The following ZPBP variants were observed in gnomAD, a reference collection of about 807,000 sequenced individuals.
The protein encoded by ZPBP is zona pellucida binding protein, also known as zona pellucida-binding protein 1.
In ZPBP, 26 loss-of-function variants were observed where a neutral mutation model predicts 44.8. The observed-to-expected ratio is 0.58, with a 90% confidence interval of 0.43 to 0.81. The LOEUF is 0.81. Among genes scored for constraint, ZPBP ranks in the 30% least tolerant of loss-of-function variants. The probability of loss-of-function intolerance (pLI) is 0.00; values close to 1 mark genes in which losing one functional copy is unlikely to be tolerated. For missense variants in ZPBP, 409 were observed against 434.0 expected (o/e 0.94, Z 0.51); for synonymous variants, 174 against 153.2 (o/e 1.14, Z -1.00).
At chr7:50,054,292 A>T (rs1800827614) in intron 4 of ZPBP, among the ~76,000 whole-genome samples, 1 of 152,200 alleles carries the variant, frequency 6.6e-6, no homozygotes, top group Non-Finnish European at 1.5e-5. Context: ...CTGTTAGTAT[A>T]AACATCTTAA....
intron 2 of ZPBP, among the ~76,000 whole-genome samples, chr7:49,892,229 G>A (rs1404639598): frequency 6.6e-6 from 1 of 151,322 alleles, no homozygotes; most frequent in African/African-American, 2.4e-5. Flanking sequence ...TGTATTTTTA[G>A]TAGAGACGGG....
At chr7:49,873,000 T>A (rs1202543101) in intron 2 of ZPBP, among the ~76,000 whole-genome samples, 1 of 139,310 alleles carries the variant, frequency 7.2e-6, no homozygotes, top group East Asian at 2.1e-4. Flanking sequence ...AATAAAAAAA[T>A]CTGAGAAATG....
At chr7:50,087,556 T>A (rs1802725673) in intron 2 of ZPBP, among the ~76,000 whole-genome samples, 1 of 152,028 alleles carries the variant, frequency 6.6e-6, no homozygotes, top group African/African-American at 2.4e-5. Context: ...GATAACATCA[T>A]ACTTAAGGGT....
At chr7:49,909,408 G>T (rs1421568246) in intron 1 of ZPBP, among the ~76,000 whole-genome samples, 1 of 152,172 alleles carries the variant, frequency 6.6e-6, no homozygotes, top group African/African-American at 2.4e-5. Flanking sequence ...CATCCGAATG[G>T]TCACTGTGGC....
intron 4 of ZPBP, among the ~76,000 whole-genome samples, chr7:50,044,210 C>T (rs1245516561): frequency 2.0e-5 from 3 of 152,094 alleles, no homozygotes; most frequent in Admixed American, 6.6e-5. Context: ...CAGGAGAAAG[C>T]AGGAAAGATT....
At chr7:49,946,927 A>G (rs1795126034) in intron 7 of ZPBP, among the ~76,000 whole-genome samples, 1 of 152,108 alleles carries the variant, frequency 6.6e-6, no homozygotes, top group African/African-American at 2.4e-5. Flanking sequence ...CAAATAGCCT[A>G]CCTTGAAGCT....
intron 5 of ZPBP, among the ~76,000 whole-genome samples, chr7:50,022,616 T>C (rs1191740284): frequency 2.6e-5 from 4 of 151,996 alleles, no homozygotes; most frequent in Non-Finnish European, 5.9e-5. Flanking sequence ...ACAAAAAAGA[T>C]ATGAGACATC....
chr7:49,862,422 T>G (rs914785530), intron 2 of ZPBP, among the ~76,000 whole-genome samples: 1 of 152,172 alleles, frequency 6.6e-6, no homozygotes, highest in African/African-American at 2.4e-5. Context: ...TGAATAGAGA[T>G]AGTTTTATTT....
chr7:50,093,047 C>T, intron 1 of ZPBP, 21 bp downstream of exon 1: 1 of 1,592,972 alleles, frequency 6.3e-7, no homozygotes, highest in African/African-American at 1.4e-5. Flanking sequence ...GCGGAGCCGG[C>T]AGGGCGGCGC....
Position 49,919,733 on chromosome 7 carries a change from C to G in ZPBP, n.411+16018G>C, listed in dbSNP as rs148761237. On this transcript the variant is annotated intron_variant and non_coding_transcript_variant, in intron 1 of 2. Coordinates refer to the ZPBP transcript ENST00000465922. ...AGCAATGGTGAAGGTTGTGGGTGGA[C>G]AGAGGTAGTCCCACTCATCCCCAGG... 3 of 152,408 alleles carry G rather than the reference C, an allele frequency of 2.0e-5. No homozygotes were observed. In the East Asian group the frequency reaches 5.8e-4, roughly 29 times the overall value. The allele number at this position is 152,408 out of a possible 1,614,324, so 9.4% of individuals were successfully genotyped here. A position where few individuals can be genotyped will look rare whatever the true frequency, so the allele number is the denominator to read the frequency against.
chr7:50,088,117 A>G (rs542099181), intron 2 of ZPBP, among the ~76,000 whole-genome samples: 1 of 152,188 alleles, frequency 6.6e-6, no homozygotes, highest in East Asian at 1.9e-4. Context: ...GTCCAAAAAT[A>G]AACCCATACA....
intron 1 of ZPBP, chr7:49,912,215 TTC>T: frequency 6.2e-7 from 1 of 1,612,128 alleles, no homozygotes; most frequent in South Asian, 1.1e-5. Context: ...CTCTGACTTT[TTC>T]TAGAACATTT....
chr7:49,896,472 C>A (rs1307427928), intron 2 of ZPBP, among the ~76,000 whole-genome samples: 9 of 152,044 alleles, frequency 5.9e-5, no homozygotes, highest in Admixed American at 5.9e-4. Flanking sequence ...TAAGTTCCTA[C>A]TTGAAGAAAC....
Position 49,943,186 on chromosome 7 carries a change from CA to C in ZPBP, c.962-5565del, listed in dbSNP as rs1794960274. 9.5e-6 allele frequency: 3 copies of C among 315,378 alleles called. No individual in the cohort carries two copies. The Admixed American group carries it at 1.2e-4, about 12-fold the overall frequency. 19.5% of individuals were successfully genotyped at this position (315,378 alleles called of 1,614,324 possible). ...AAAGTTAGCTTCTCAATAAAGTCCTCAGCATTCTCCCAAGAATTAATCTTTT... is the reference window on the plus strand; with the variant it reads ...AAAGTTAGCTTCTCAATAAAGTCCTCGCATTCTCCCAAGAATTAATCTTTT... On this transcript the variant is annotated intron_variant, in intron 7 of 7. Coordinates refer to ENST00000046087, the MANE Select transcript of ZPBP (RefSeq NM_007009.3).
intron 2 of ZPBP, among the ~76,000 whole-genome samples, chr7:49,892,031 A>ATTTTTTTTTTTT (rs536880676): frequency 1.9e-5 from 1 of 53,202 alleles, no homozygotes; most frequent in Non-Finnish European, 3.3e-5. Flanking sequence ...GACAAAGTAG[A>ATTTTTTTTTTTT]TTTTTTTTTT....
intron 4 of ZPBP, among the ~76,000 whole-genome samples, chr7:50,038,871 A>G (rs560272266): frequency 2.0e-5 from 3 of 152,336 alleles, no homozygotes; most frequent in Admixed American, 6.5e-5. Context: ...GGAAAAGGCC[A>G]TACCACGTAG....
At chr7:49,856,701 A>C (rs1022018196) in intron 2 of ZPBP, among the ~76,000 whole-genome samples, 1 of 152,130 alleles carries the variant, frequency 6.6e-6, no homozygotes, top group African/African-American at 2.4e-5. Flanking sequence ...AAGTTCTCTG[A>C]TGTCCTTTTG....
intron 6 of ZPBP, among the ~76,000 whole-genome samples, chr7:49,984,082 T>C (rs1425527596): frequency 6.6e-6 from 1 of 152,174 alleles, no homozygotes; most frequent in Admixed American, 6.5e-5. Context: ...CTTCTCTGAC[T>C]GCTAAGATCT....
chr7:49,947,199 C>T (rs1345345554), intron 7 of ZPBP, among the ~76,000 whole-genome samples: 2 of 152,042 alleles, frequency 1.3e-5, no homozygotes, highest in Non-Finnish European at 2.9e-5. Context: ...ATCACCGGTG[C>T]CCTATTTAGT....
Sources: gnomAD v4.1 joint callset for allele counts (sites outside exome capture counted in the v4.1 genomes callset) on GRCh38, gnomAD v4.1.1 for gene constraint, MANE v1.5 for transcripts, NCBI Gene and HGNC (gene_info 2026-07-23, HGNC 2026-07-21) for gene names.